The following GLRB variants were observed in gnomAD, a reference collection of about 807,000 sequenced individuals.
GLRB encodes glycine receptor subunit beta.
Under a neutral mutation model 54.2 loss-of-function variants are expected in GLRB, and 33 were observed. The observed-to-expected ratio is 0.61, with a 90% CI of 0.46 to 0.81. GLRB has a LOEUF of 0.81. Among genes scored for constraint, GLRB ranks in the 40% least tolerant of loss-of-function variants. The probability of loss-of-function intolerance (pLI) is 0.00; values close to 1 mark genes in which losing one functional copy is unlikely to be tolerated. For missense variants in GLRB, 572 were observed against 584.6 expected (o/e 0.98, Z 0.22); for synonymous variants, 209 against 208.2 (o/e 1.00, Z -0.03).
At chr4:157,160,830 T>C (rs1417203412) in intron 9 of GLRB, among the ~76,000 whole-genome samples, 2 of 152,226 alleles carry the variant, frequency 1.3e-5, no homozygotes, top group Non-Finnish European at 2.9e-5. Flanking sequence ...TGGGGAGTTC[T>C]GTAGCTGTCT....
chr4:157,077,893 T>C, intron 1 of GLRB, 103 bp from the exon 2 acceptor site: 2 of 682,064 alleles, frequency 2.9e-6, no homozygotes, highest in Non-Finnish European at 5.1e-6. Flanking sequence ...GATGTACAAA[T>C]GTACTTGCCC....
chr4:157,116,927 TATG>T (rs1735628200), intron 2 of GLRB, among the ~76,000 whole-genome samples: 1 of 151,698 alleles, frequency 6.6e-6, no homozygotes, highest in Non-Finnish European at 1.5e-5. Context: ...AAAGGGGCCA[TATG>T]ATATTTGGTA....
chr4:157,104,850 T>A (rs768739105), intron 2 of GLRB, among the ~76,000 whole-genome samples: 5 of 152,024 alleles, frequency 3.3e-5, no homozygotes, highest in Non-Finnish European at 7.4e-5. Flanking sequence ...ATGTAATTTT[T>A]CAGAGTAGTC....
intron 4 of GLRB, among the ~76,000 whole-genome samples, chr4:157,132,205 T>C (rs965919440): frequency 4.0e-5 from 6 of 151,894 alleles, no homozygotes; most frequent in African/African-American, 1.4e-4. Context: ...TATATATTCT[T>C]TGGGGTAGTA....
intron 9 of GLRB, among the ~76,000 whole-genome samples, chr4:157,168,773 T>C (rs1200127021): frequency 6.6e-6 from 1 of 152,140 alleles, no homozygotes; most frequent in Non-Finnish European, 1.5e-5. Context: ...CAAATATATA[T>C]ATGGCATAAA....
intron 2 of GLRB, among the ~76,000 whole-genome samples, chr4:157,082,967 TATA>T (rs1734277699): frequency 2.3e-5 from 2 of 87,028 alleles, no homozygotes; most frequent in African/African-American, 8.9e-5. Flanking sequence ...TAGTGTTTTA[TATA>T]TATATATATA....
At chr4:157,100,923 G>A (rs1365489770) in intron 2 of GLRB, among the ~76,000 whole-genome samples, 1 of 152,098 alleles carries the variant, frequency 6.6e-6, no homozygotes, top group African/African-American at 2.4e-5. Flanking sequence ...AATTCCATGA[G>A]GTCAACTGTT....
Position 157,143,883 on chromosome 4 carries a change from A to C in GLRB, c.828A>C (p.Pro276=), listed in dbSNP as rs1218347364. The change falls in exon 8 of 10, where the codon CCA becomes CCC. Residue 276 remains proline (P), a synonymous_variant. Transcript: ENST00000264428. The stretch of plus-strand genomic sequence containing the variant: ...TTTACATGATGGGGGTCTACGCCCC[A>C]ACTCTGCTCATTGTTGTTCTCTCCT... ...VGFYMMGVYA[P]TLLIVVLSWL... 6.2e-7 allele frequency: 1 copy of C among 1,613,818 alleles called. No individual in the cohort carries two copies. The highest frequency in any genetic ancestry group is 2.2e-5 in the East Asian group (1 of 44,876).
At chr4:157,078,328 A>G (rs577837061) in intron 2 of GLRB, 182 bp downstream of exon 2, 124 of 548,940 alleles carry the variant, frequency 2.3e-4, no homozygotes, top group African/African-American at 4.7e-4. Flanking sequence ...TTAATTCCCA[A>G]TGTTCAAGGT....
Position 157,124,473 on chromosome 4 carries a change from A to AT in GLRB, c.297+2081dup, listed in dbSNP as rs147228558. The stretch of plus-strand genomic sequence containing the variant: ...TAGCAATAATGTATTCTACTTACTC[A>AT]TTTTTCCATAAAATACAGAAGACAT... On this transcript the variant is annotated intron_variant, in intron 4 of 9. Transcript: ENST00000264428. 2.9e-4 allele frequency among the ~76,000 whole-genome samples: 44 copies of AT among 151,872 alleles called. No homozygotes were observed. In the East Asian group the frequency reaches 8.6e-3, roughly 30 times the overall value.
At chr4:157,165,032 CAT>C (rs1737657301) in intron 9 of GLRB, among the ~76,000 whole-genome samples, 1 of 152,048 alleles carries the variant, frequency 6.6e-6, no homozygotes, top group Non-Finnish European at 1.5e-5. Flanking sequence ...ACGAGAGATG[CAT>C]AGAGTTAAGA....
At chr4:157,128,182 A>G (rs1560957694) in intron 4 of GLRB, among the ~76,000 whole-genome samples, 1 of 151,814 alleles carries the variant, frequency 6.6e-6, no homozygotes, top group Middle Eastern at 3.2e-3. Flanking sequence ...TAATTTTTAA[A>G]TATCTATATA....
At chr4:157,098,771 A>AT (rs201057301) in intron 2 of GLRB, among the ~76,000 whole-genome samples, 1,905 of 151,326 alleles carry the variant, frequency 0.013, 20 homozygotes, top group Middle Eastern at 0.024. Context: ...ATGCTGGCTA[A>AT]TTTTTTTTGT....
At chr4:157,118,251 A>T (rs1289000216) in intron 2 of GLRB, among the ~76,000 whole-genome samples, 1 of 151,728 alleles carries the variant, frequency 6.6e-6, no homozygotes. Flanking sequence ...ACACAATAAC[A>T]GCAGTCCTGA....
intron 9 of GLRB, among the ~76,000 whole-genome samples, chr4:157,161,430 G>A (rs1433165565): frequency 6.6e-6 from 1 of 152,148 alleles, no homozygotes; most frequent in African/African-American, 2.4e-5. Flanking sequence ...TGGCATTGAT[G>A]GTCTTTACAA....
intron 2 of GLRB, among the ~76,000 whole-genome samples, chr4:157,091,180 C>T (rs1216171794): frequency 2.0e-5 from 3 of 152,020 alleles, no homozygotes; most frequent in South Asian, 2.1e-4. Context: ...GTTTTTGAAA[C>T]GATTATAATA....
intron 2 of GLRB, among the ~76,000 whole-genome samples, chr4:157,085,471 A>C (rs1352605718): frequency 2.6e-5 from 4 of 151,918 alleles, no homozygotes; most frequent in Non-Finnish European, 5.9e-5. Flanking sequence ...TTCTATCATT[A>C]TTATCCATCT....
chr4:157,084,443 G>T (rs534696284), intron 2 of GLRB, among the ~76,000 whole-genome samples: 2 of 152,260 alleles, frequency 1.3e-5, no homozygotes, highest in East Asian at 3.9e-4. Context: ...ATTATTTACA[G>T]TAGTGTTAGC....
chr4:157,093,896 C>G (rs906224920), intron 2 of GLRB, among the ~76,000 whole-genome samples: 1 of 151,554 alleles, frequency 6.6e-6, no homozygotes, highest in African/African-American at 2.4e-5. Context: ...CAGGCATTTA[C>G]TTTCTCATAT....
Sources: allele counts gnomAD v4.1 joint callset (sites outside exome capture counted in the v4.1 genomes callset), GRCh38; gene constraint gnomAD v4.1.1; transcripts MANE v1.5; gene names NCBI Gene and HGNC (gene_info 2026-07-23, HGNC 2026-07-21).